The following RHBDL3 variants were observed in gnomAD, a reference collection of about 807,000 sequenced individuals.
RHBDL3 encodes rhomboid-related protein 3.
A neutral mutation model predicts 48.2 loss-of-function variants in RHBDL3; 28 were observed. That is an observed-to-expected ratio of 0.58 (90% confidence interval 0.43 to 0.80). RHBDL3 has a LOEUF of 0.80. RHBDL3 is among the 30% of genes least tolerant of loss of function. The probability of loss-of-function intolerance (pLI) is 0.00; values close to 1 mark genes in which losing one functional copy is unlikely to be tolerated. For synonymous variants in RHBDL3, 208 were observed against 232.3 expected (o/e 0.90, Z 0.95); for missense variants, 464 against 542.7 (o/e 0.85, Z 1.44).
intron 6 of RHBDL3, among the ~76,000 whole-genome samples, chr17:32,300,677 A>G (rs937607132): frequency 6.6e-6 from 1 of 152,188 alleles, no homozygotes; most frequent in Non-Finnish European, 1.5e-5. Context: ...GCTAACCTCT[A>G]TGGGGCATAT....
At chr17:32,288,086 C>T (rs1336832953) in intron 3 of RHBDL3, 1 of 152,338 alleles carries the variant, frequency 6.6e-6, no homozygotes, top group Non-Finnish European at 1.5e-5. Context: ...GGTGACCTTC[C>T]CCAGGCACAG....
rs763486448 is a variant in RHBDL3, at chr17:32,305,451, T to A, written c.882+10T>A. The A allele has an allele frequency of 4.3e-5, 67 of 1,562,510 alleles. No individual in the cohort carries two copies. The highest frequency in any genetic ancestry group is 5.7e-5 in the Non-Finnish European group (65 of 1,133,058). On this transcript the variant is annotated intron_variant, in intron 7 of 8. Coordinates refer to ENST00000269051, the MANE Select transcript of RHBDL3 (RefSeq NM_138328.3). ...GGCCAACATTGTCATGGTGAGCACC[T>A]CCCGTTCTCAATGTGTCTTTCTGGC... is the stretch of plus-strand genomic sequence containing the variant.
intron 3 of RHBDL3, 80 bp downstream of exon 3, chr17:32,284,897 A>G (rs532193517): frequency 2.4e-6 from 3 of 1,274,490 alleles, no homozygotes; most frequent in South Asian, 1.3e-5. Flanking sequence ...GATTTAGGCA[A>G]TTCAAAGGAT....
chr17:32,304,612 C>G (rs946093900), intron 6 of RHBDL3, among the ~76,000 whole-genome samples: 1 of 152,172 alleles, frequency 6.6e-6, no homozygotes, highest in Non-Finnish European at 1.5e-5. Context: ...TGCTTGGTAT[C>G]CGTGTCACCT....
chr17:32,295,931 A>G (rs1182727344), intron 5 of RHBDL3, among the ~76,000 whole-genome samples: 1 of 152,204 alleles, frequency 6.6e-6, no homozygotes, highest in East Asian at 1.9e-4. Context: ...ACAGGGTCAG[A>G]AAACCTGGGG....
In RHBDL3 at chr17:32,321,281, A is replaced by C; in HGVS notation, c.*52A>C. Reference sequence around the variant, plus strand: ...GGAGGGAAAAGCAGCACCCACAGGGAGCGCCTGCGAGGTTTCTTCTCATCA... The same window carrying C: ...GGAGGGAAAAGCAGCACCCACAGGGCGCGCCTGCGAGGTTTCTTCTCATCA... On this transcript the variant is annotated 3_prime_UTR_variant, in exon 9 of 9. Transcript: ENST00000269051. The C allele has an allele frequency of 1.2e-6, 2 of 1,610,818 alleles. No individual in the cohort carries two copies. Among genetic ancestry groups the C allele is most frequent in the Non-Finnish European group, 8.5e-7 (1 of 1,179,308 alleles).
intron 3 of RHBDL3, 61 bp from the exon 4 acceptor site, chr17:32,288,731 T>G (rs2040254609): frequency 1.6e-6 from 2 of 1,274,320 alleles, no homozygotes; most frequent in Middle Eastern, 2.7e-4. Context: ...GGCTGGGAAG[T>G]GGGTGGGGAG....
chr17:32,269,090 G>A lies in RHBDL3; in HGVS notation c.135+1165G>A, dbSNP rs1197111948. On this transcript the variant is annotated intron_variant, in intron 2 of 8. Transcript: ENST00000269051. The stretch of plus-strand genomic sequence containing the variant: ...GGGCCAGGTGTGGTGACTCACGCTT[G>A]TAATCCCAACACTTTGGGAGGCTAA... Among the ~76,000 whole-genome samples the A allele has an allele frequency of 2.0e-5, 3 of 152,178 alleles. No homozygotes were observed. In the East Asian group the frequency reaches 5.8e-4, roughly 29 times the overall value.
intron 2 of RHBDL3, among the ~76,000 whole-genome samples, chr17:32,269,419 A>G (rs2039715208): frequency 6.6e-6 from 1 of 152,238 alleles, no homozygotes; most frequent in Admixed American, 6.5e-5. Flanking sequence ...GTTTGAGACA[A>G]GTTCAGTTAG....
intron 4 of RHBDL3, among the ~76,000 whole-genome samples, chr17:32,293,898 CG>C (rs1391961004): frequency 6.6e-6 from 1 of 151,984 alleles, no homozygotes; most frequent in Non-Finnish European, 1.5e-5. Context: ...GAGGCCAAGG[CG>C]GGTGGATCAC....
intron 8 of RHBDL3, among the ~76,000 whole-genome samples, chr17:32,319,657 G>C (rs890044354): frequency 1.3e-5 from 2 of 152,158 alleles, no homozygotes; most frequent in African/African-American, 4.8e-5. Context: ...GCTCAGCCCA[G>C]AAGGCTGGGC....
In RHBDL3 at chr17:32,305,462, A is replaced by G. The variant is rs374315132; in HGVS notation, c.882+21A>G. 52 of 1,514,676 alleles carry G rather than the reference A, an allele frequency of 3.4e-5. No individual in the cohort carries two copies. The Middle Eastern group carries it at 1.5e-3, about 44-fold the overall frequency. 93.8% of individuals were successfully genotyped at this position (1,514,676 alleles called of 1,614,324 possible). A position where few individuals can be genotyped will look rare whatever the true frequency, so the allele number is the denominator to read the frequency against. ...TCATGGTGAGCACCTCCCGTTCTCAATGTGTCTTTCTGGCCCTGTCCTCTG... is the reference window on the plus strand; with the variant it reads ...TCATGGTGAGCACCTCCCGTTCTCAGTGTGTCTTTCTGGCCCTGTCCTCTG... On this transcript the variant is annotated intron_variant, in intron 7 of 8. Coordinates refer to ENST00000269051, the MANE Select transcript of RHBDL3 (RefSeq NM_138328.3).
chr17:32,271,045 TA>T (rs1430412581), intron 2 of RHBDL3, among the ~76,000 whole-genome samples: 3 of 151,962 alleles, frequency 2.0e-5, no homozygotes, highest in African/African-American at 2.4e-5. Context: ...TTTAAAAGTT[TA>T]AAAAAAAATT....
rs1262628457 is a variant in RHBDL3 at position 32,309,882 on chromosome 17, C to T, written c.882+4441C>T. Among the ~76,000 whole-genome samples the T allele has an allele frequency of 4.0e-5, 6 of 149,342 alleles. No homozygotes were observed. The East Asian group carries it at 6.2e-4, about 15-fold the overall frequency. Reference sequence around the variant, plus strand: ...ACAACCTCCACCTCCTGGGTTCAAGCGATCCTCTTGCCTCAGCCCCCCGAG... The same window carrying T: ...ACAACCTCCACCTCCTGGGTTCAAGTGATCCTCTTGCCTCAGCCCCCCGAG... On this transcript the variant is annotated intron_variant, in intron 7 of 8. Transcript: ENST00000269051.
Position 32,286,144 on chromosome 17 carries a change from G to A in RHBDL3, c.294+1327G>A, listed in dbSNP as rs145099121. On this transcript the variant is annotated intron_variant, in intron 3 of 8. Coordinates refer to ENST00000269051, the MANE Select transcript of RHBDL3 (RefSeq NM_138328.3). ...AACCCAGCAGTGCCACCAAAGACCA[G>A]GCCAAAGGTTTGAGCCTGCCCAGGC... Among the ~76,000 whole-genome samples the A allele has an allele frequency of 5.2e-3, 793 of 152,318 alleles. 11 individuals carry two copies. Among genetic ancestry groups the A allele is most frequent in the African/African-American group, 0.018 (740 of 41,572 alleles).
intron 4 of RHBDL3, among the ~76,000 whole-genome samples, chr17:32,290,933 C>G (rs1039883663): frequency 1.4e-4 from 19 of 138,968 alleles, no homozygotes; most frequent in South Asian, 2.3e-4. Flanking sequence ...CCCAGGAGGT[C>G]AAGGCTGTAG....
At chr17:32,273,670 C>T (rs1031943749) in intron 2 of RHBDL3, among the ~76,000 whole-genome samples, 2 of 152,192 alleles carry the variant, frequency 1.3e-5, no homozygotes, top group Non-Finnish European at 2.9e-5. Context: ...CTCATAAATA[C>T]TGTTGTGTGT....
chr17:32,283,325 T>TTC (rs1555584524), intron 2 of RHBDL3, among the ~76,000 whole-genome samples: 2 of 141,716 alleles, frequency 1.4e-5, no homozygotes, highest in African/African-American at 5.3e-5. Flanking sequence ...TTCTTTTTTT[T>TTC]TTTTTTTTTT....
intron 8 of RHBDL3, among the ~76,000 whole-genome samples, 154 bp from the exon 9 acceptor site, chr17:32,320,804 G>C (rs1441737827): frequency 1.3e-5 from 2 of 152,254 alleles, no homozygotes; most frequent in Non-Finnish European, 2.9e-5. Flanking sequence ...TGGGAGAACA[G>C]AGATTTGCCT....
Sources: allele counts gnomAD v4.1 joint callset (sites outside exome capture counted in the v4.1 genomes callset), GRCh38; gene constraint gnomAD v4.1.1; transcripts MANE v1.5; gene names NCBI Gene and HGNC (gene_info 2026-07-23, HGNC 2026-07-21).